RSBN1L: variants seen among roughly 807,000 people sequenced by gnomAD.
RSBN1L encodes the protein round spermatid basic protein 1 like, also known as lysine-specific demethylase RSBN1L.
A neutral mutation model predicts 67.7 loss-of-function variants in RSBN1L; 30 were observed. The ratio of observed to expected loss-of-function variants is 0.44; its 90% CI spans 0.33 to 0.60. The LOEUF is 0.60. Ranked by LOEUF, RSBN1L falls within the 20% of genes least tolerant of loss-of-function variation. The pLI is 0.02. For missense variants in RSBN1L, 992 were observed against 1,031.7 expected, an observed-to-expected ratio of 0.96 and a Z score of 0.53; for synonymous variants, 433 against 387.0, an observed-to-expected ratio of 1.12 and a Z score of -1.39.
intron 1 of RSBN1L, among the ~76,000 whole-genome samples, chr7:77,716,153 C>T (rs988098127): frequency 6.6e-5 from 10 of 152,056 alleles, no homozygotes; most frequent in Admixed American, 2.0e-4. Context: ...TTCTTAACTT[C>T]GAAAGCTTTT....
intron 1 of RSBN1L, among the ~76,000 whole-genome samples, chr7:77,705,698 G>C (rs1354928141): frequency 6.6e-6 from 1 of 150,720 alleles, no homozygotes; most frequent in East Asian, 2.0e-4. Context: ...TTTTAGTAGA[G>C]ACAGGGTTTC....
chr7:77,731,158 G>A (rs1483214783), intron 1 of RSBN1L, among the ~76,000 whole-genome samples: 1 of 151,978 alleles, frequency 6.6e-6, no homozygotes, highest in African/African-American at 2.4e-5. Context: ...ATGCTTATTT[G>A]CTATCTGTAT....
rs1406833724 is a variant in RSBN1L at position 77,713,228 on chromosome 7, C to G, written c.586+16173C>G. ...CCCTTTACTGTTGCAATTTTTTTCT[C>G]TCTAAACTATCATTAGTTCATAAAC... On this transcript the variant is annotated intron_variant, in intron 1 of 7. Coordinates refer to ENST00000334955, the MANE Select transcript of RSBN1L (RefSeq NM_198467.3). 3.3e-5 allele frequency among the ~76,000 whole-genome samples: 5 copies of G among 152,044 alleles called. No individual in the cohort carries two copies. In the East Asian group the frequency reaches 9.7e-4, roughly 29 times the overall value.
At chr7:77,751,522 G>C (rs1156413216) in intron 3 of RSBN1L, among the ~76,000 whole-genome samples, 1 of 152,200 alleles carries the variant, frequency 6.6e-6, no homozygotes, top group Non-Finnish European at 1.5e-5. Flanking sequence ...TTCTAAACTA[G>C]ATAGGGAGCT....
At chr7:77,701,192 A>T (rs979987042) in intron 1 of RSBN1L, among the ~76,000 whole-genome samples, 1 of 150,576 alleles carries the variant, frequency 6.6e-6, no homozygotes, top group Admixed American at 6.6e-5. Flanking sequence ...ACAACAACAA[A>T]AAAAAACGAC....
intron 1 of RSBN1L, among the ~76,000 whole-genome samples, chr7:77,732,048 T>G (rs1308220650): frequency 6.6e-6 from 1 of 152,198 alleles, no homozygotes; most frequent in South Asian, 2.1e-4. Flanking sequence ...AAATGTGTAA[T>G]CCTTATATTT....
chr7:77,775,926 C>T (rs756416095), intron 6 of RSBN1L, among the ~76,000 whole-genome samples: 4 of 152,086 alleles, frequency 2.6e-5, no homozygotes, highest in Non-Finnish European at 5.9e-5. Flanking sequence ...CGTGGTGGCA[C>T]ACACCTGTAA....
chr7:77,717,473 A>T (rs1020685524), intron 1 of RSBN1L, among the ~76,000 whole-genome samples: 1 of 152,222 alleles, frequency 6.6e-6, no homozygotes, highest in African/African-American at 2.4e-5. Flanking sequence ...AACAGAATGA[A>T]TTATAGTAAA....
At chr7:77,706,669 AT>A (rs1352164912) in intron 1 of RSBN1L, among the ~76,000 whole-genome samples, 2 of 152,202 alleles carry the variant, frequency 1.3e-5, no homozygotes, top group African/African-American at 4.8e-5. Flanking sequence ...TTGGCAATCT[AT>A]TTTGATTTCA....
chr7:77,716,893 A>T (rs1451967657), intron 1 of RSBN1L, among the ~76,000 whole-genome samples: 1 of 151,504 alleles, frequency 6.6e-6, no homozygotes, highest in African/African-American at 2.4e-5. Flanking sequence ...GGCCTCCCAA[A>T]GTGCTGAAAT....
chr7:77,773,531 G>A (rs1038456884), intron 6 of RSBN1L: 16 of 311,144 alleles, frequency 5.1e-5, no homozygotes, highest in East Asian at 3.3e-4. Flanking sequence ...TTGGGAGGCC[G>A]AGGTGGGTGG....
intron 4 of RSBN1L, among the ~76,000 whole-genome samples, chr7:77,766,806 C>T (rs1453934358): frequency 1.3e-5 from 2 of 151,930 alleles, no homozygotes; most frequent in African/African-American, 2.4e-5. Flanking sequence ...TTTTTCTTCC[C>T]TTTCTCTTTA....
chr7:77,750,087 A>C, intron 3 of RSBN1L, 23 bp downstream of exon 3: 1 of 1,402,686 alleles, frequency 7.1e-7, no homozygotes, highest in Non-Finnish European at 9.5e-7. Context: ...TAGTTTTATA[A>C]AATAACTTTT....
At chr7:77,754,807 T>G (rs1168588808) in intron 3 of RSBN1L, among the ~76,000 whole-genome samples, 1 of 152,108 alleles carries the variant, frequency 6.6e-6, no homozygotes, top group Non-Finnish European at 1.5e-5. Context: ...CATGTCTCTT[T>G]GAAAATGAAG....
chr7:77,752,660 G>A (rs1003645354), intron 3 of RSBN1L, among the ~76,000 whole-genome samples: 1 of 152,188 alleles, frequency 6.6e-6, no homozygotes, highest in East Asian at 1.9e-4. Flanking sequence ...TTATTGAAGT[G>A]TAATGTATGA....
intron 2 of RSBN1L, among the ~76,000 whole-genome samples, chr7:77,745,171 G>A (rs955409846): frequency 6.6e-6 from 1 of 151,596 alleles, no homozygotes; most frequent in Non-Finnish European, 1.5e-5. Context: ...TGAGGCAGGA[G>A]AATCACTTGA....
intron 2 of RSBN1L, among the ~76,000 whole-genome samples, chr7:77,744,443 C>T (rs536325461): frequency 8.2e-4 from 125 of 152,106 alleles, no homozygotes; most frequent in African/African-American, 2.9e-3. Flanking sequence ...AATTTGATAA[C>T]GTTATTCAAG....
chr7:77,777,671 T>C (rs1377033714), intron 6 of RSBN1L, among the ~76,000 whole-genome samples: 2 of 152,138 alleles, frequency 1.3e-5, no homozygotes, highest in Non-Finnish European at 1.5e-5. Context: ...TTTAGAAATT[T>C]AGTTATGATT....
intron 3 of RSBN1L, among the ~76,000 whole-genome samples, chr7:77,761,727 A>G (rs1031094386): frequency 6.6e-6 from 1 of 152,214 alleles, no homozygotes; most frequent in African/African-American, 2.4e-5. Flanking sequence ...ATTTAAGTTA[A>G]TGGTTACAAC....
Sources: allele counts gnomAD v4.1 joint callset (sites outside exome capture counted in the v4.1 genomes callset), GRCh38; gene constraint gnomAD v4.1.1; transcripts MANE v1.5; gene names NCBI Gene and HGNC (gene_info 2026-07-23, HGNC 2026-07-21).